Variants in UBR2 observed in about 807,000 individuals in gnomAD.
UBR2 encodes E3 ubiquitin-protein ligase UBR2.
UBR2 carries 92 observed loss-of-function variants against 247.9 expected under a neutral mutation model. The observed-to-expected ratio is 0.37, with a 90% CI of 0.31 to 0.44. UBR2 has a LOEUF of 0.44. Ranked by LOEUF, UBR2 falls within the 20% of genes least tolerant of loss-of-function variation. The pLI is 1.00. For synonymous variants in UBR2, 672 were observed against 693.5 expected (o/e 0.97, Z 0.49); for missense variants, 1,613 against 2,112.6 (o/e 0.76, Z 4.64).
At chr6:42,607,708 A>C (rs1582515872) in intron 7 of UBR2, among the ~76,000 whole-genome samples, 1 of 68,598 alleles carries the variant, frequency 1.5e-5, no homozygotes. Context: ...CACCACTCCC[A>C]GCTGTTTTTT....
At chr6:42,619,869 C>T (rs1333669078) in intron 11 of UBR2, 2 of 760,272 alleles carry the variant, frequency 2.6e-6, no homozygotes, top group African/African-American at 3.8e-5. Context: ...AGATGCATGC[C>T]ACCACACCCA....
intron 3 of UBR2, among the ~76,000 whole-genome samples, chr6:42,593,579 T>G (rs1013473120): frequency 7.4e-4 from 112 of 152,308 alleles, no homozygotes; most frequent in African/African-American, 2.6e-3. Flanking sequence ...GCCAGATTTC[T>G]TAAATCATTG....
intron 35 of UBR2, 105 bp from the exon 36 acceptor site, chr6:42,670,555 T>A: frequency 2.5e-6 from 2 of 808,230 alleles, no homozygotes; most frequent in Non-Finnish European, 3.8e-6. Flanking sequence ...AACTTGACAA[T>A]ATTGTACTTT....
chr6:42,690,984 A>T (rs1445087370), intron 46 of UBR2, 48 bp from the exon 47 acceptor site: 6 of 1,603,476 alleles, frequency 3.7e-6, no homozygotes, highest in Middle Eastern at 1.7e-4. Flanking sequence ...GTTATAATAG[A>T]GGAATAAACA....
intron 11 of UBR2, among the ~76,000 whole-genome samples, chr6:42,622,093 G>A (rs932139876): frequency 6.6e-6 from 1 of 152,044 alleles, no homozygotes; most frequent in Non-Finnish European, 1.5e-5. Context: ...TTGGCTCACT[G>A]CAACCTCTGC....
At chr6:42,635,664 A>G (rs1796047794) in intron 14 of UBR2, 118 bp downstream of exon 14, 2 of 1,247,066 alleles carry the variant, frequency 1.6e-6, no homozygotes, top group Non-Finnish European at 2.2e-6. Flanking sequence ...AGTTCATTAA[A>G]CAGCGTATTT....
rs189281634 is a variant in UBR2, at chr6:42,572,447, C to G, written c.79-1287C>G. ...TGACTTCTTATGATGTTACATATCACTTGAACATACTTTTTTTTTTTTTTT... is the reference window on the plus strand; with the variant it reads ...TGACTTCTTATGATGTTACATATCAGTTGAACATACTTTTTTTTTTTTTTT... On this transcript the variant is annotated intron_variant, in intron 1 of 46. Coordinates refer to ENST00000372901, the MANE Select transcript of UBR2 (RefSeq NM_001363705.2). 7.6e-5 allele frequency among the ~76,000 whole-genome samples: 11 copies of G among 144,518 alleles called. No individual in the cohort carries two copies. In the East Asian group the frequency reaches 2.0e-3, roughly 26 times the overall value. 94.8% of individuals were successfully genotyped at this position (144,518 alleles called of 152,430 possible).
At chr6:42,576,560 C>T (rs1582431191) in intron 2 of UBR2, among the ~76,000 whole-genome samples, 2 of 132,130 alleles carry the variant, frequency 1.5e-5, no homozygotes, top group South Asian at 2.5e-4. Flanking sequence ...GATGGAGTCT[C>T]ACCCCGTAGC....
At position 42,632,818 on chromosome 6, in the gene UBR2, A is replaced by G. The variant is rs759366791; in HGVS notation, c.1459A>G (p.Ser487Gly). The G allele has an allele frequency of 6.2e-7, 1 of 1,601,624 alleles. No individual in the cohort carries two copies. Among genetic ancestry groups the G allele is most frequent in the South Asian group, 1.1e-5 (1 of 87,888 alleles). Residue 487 changes from serine to glycine, a missense_variant, in exon 13 of 47, where the codon AGC becomes GGC. By Grantham distance (56) the Ser-to-Gly change is moderately conservative. Transcript: ENST00000372901. ...TATCTTGTTCAGGTATGTGTTAATT[A>G]GCAAACCAACTGAATGGTCAGATGA... The part of the protein sequence containing the change: ...LILDLKYVLI[S>G]KPTEWSDELR...
At chr6:42,580,793 G>A (rs1791836582) in intron 2 of UBR2, among the ~76,000 whole-genome samples, 1 of 152,044 alleles carries the variant, frequency 6.6e-6, no homozygotes, top group Middle Eastern at 3.2e-3. Context: ...TGCCCACCTC[G>A]GCCTCTCAAA....
rs376764295 is a variant in UBR2, at chr6:42,644,315, T to C, written c.2199T>C (p.Phe733=). The C allele has an allele frequency of 3.7e-6, 6 of 1,613,398 alleles. No individual in the cohort carries two copies. The African/African-American group carries it at 8.0e-5, about 22-fold the overall frequency. The change falls in exon 19 of 47, where the codon TTT becomes TTC. Residue 733 remains phenylalanine, a synonymous_variant. Transcript: ENST00000372901. The stretch of plus-strand genomic sequence containing the variant: ...GTACTCCAGACTATGGAAAAAGATT[T>C]AGTTCTGAGATTACCCATAAGGTAA... ...IFSTPDYGKR[F]SSEITHKDVV...
rs1172288992 is a variant in UBR2, at chr6:42,692,708, GGAA to G, written c.*1540_*1542del. ...ACTAGGCATGCTCCACAGTATCACA[GGAA>G]GAAGGTCAGAAATCTGGAACTGAAG... is the stretch of plus-strand genomic sequence containing the variant. On this transcript the variant is annotated 3_prime_UTR_variant, in exon 47 of 47. Coordinates refer to ENST00000372901, the MANE Select transcript of UBR2 (RefSeq NM_001363705.2). 1.3e-5 allele frequency: 2 copies of G among 152,130 alleles called. No homozygotes were observed. The highest frequency in any genetic ancestry group is 4.8e-5 in the African/African-American group (2 of 41,418). 9.4% of individuals were successfully genotyped at this position (152,130 alleles called of 1,614,324 possible). A position where few individuals can be genotyped will look rare whatever the true frequency, so the allele number is the denominator to read the frequency against.
chr6:42,595,174 C>T (rs1293898008), intron 4 of UBR2, among the ~76,000 whole-genome samples: 12 of 152,140 alleles, frequency 7.9e-5, no homozygotes, highest in South Asian at 2.1e-4. Flanking sequence ...CTTCACCATC[C>T]GCTCTTCTAG....
chr6:42,573,460 C>G (rs1023188524), intron 1 of UBR2, among the ~76,000 whole-genome samples: 3 of 152,148 alleles, frequency 2.0e-5, no homozygotes, highest in Non-Finnish European at 4.4e-5. Flanking sequence ...TAATTATTTT[C>G]TGGTACTGCC....
intron 4 of UBR2, among the ~76,000 whole-genome samples, chr6:42,596,611 A>C (rs369239685): frequency 6.6e-6 from 1 of 152,206 alleles, no homozygotes. Flanking sequence ...TGGATAAACA[A>C]ATTGTGATAA....
At chr6:42,638,757 A>G (rs1294274031) in intron 15 of UBR2, among the ~76,000 whole-genome samples, 1 of 152,188 alleles carries the variant, frequency 6.6e-6, no homozygotes, top group African/African-American at 2.4e-5. Context: ...CCCTTAAAAA[A>G]AAAAAAGGCA....
chr6:42,671,220 G>A (rs1798411752), intron 36 of UBR2, among the ~76,000 whole-genome samples: 1 of 150,434 alleles, frequency 6.6e-6, no homozygotes. Context: ...CAGCCTGGCA[G>A]TATAGTGAGA....
At chr6:42,657,268 T>C (rs1006339743) in intron 26 of UBR2, among the ~76,000 whole-genome samples, 5 of 151,980 alleles carry the variant, frequency 3.3e-5, no homozygotes, top group Admixed American at 3.3e-4. Flanking sequence ...GGTTCTCTCT[T>C]ACTTTCTCTT....
intron 11 of UBR2, among the ~76,000 whole-genome samples, chr6:42,631,863 T>A (rs1795739257): frequency 1.1e-5 from 1 of 89,816 alleles, no homozygotes; most frequent in South Asian, 3.5e-4. Context: ...TCTGATTTTA[T>A]ATATATATAT....
Sources: gnomAD v4.1 joint callset for allele counts (sites outside exome capture counted in the v4.1 genomes callset) on GRCh38, gnomAD v4.1.1 for gene constraint, MANE v1.5 for transcripts, NCBI Gene and HGNC (gene_info 2026-07-23, HGNC 2026-07-21) for gene names.